AMDHD1: variants seen among roughly 807,000 people sequenced by gnomAD.
AMDHD1 encodes the protein probable imidazolonepropionase.
AMDHD1 carries 45 observed loss-of-function variants against 44.1 expected under a neutral mutation model. That is an observed-to-expected ratio of 1.02 (90% CI 0.80 to 1.31). The LOEUF (loss-of-function observed/expected upper bound fraction) is 1.31, where lower values mean the gene tolerates loss of function less well. Ranked by LOEUF, AMDHD1 falls within the 50% of genes most tolerant of loss-of-function variation. The pLI is 0.00. For missense variants in AMDHD1, 586 were observed against 552.1 expected, an observed-to-expected ratio of 1.06 and a Z score of -0.61; for synonymous variants, 206 against 205.0, an observed-to-expected ratio of 1.00 and a Z score of -0.04.
intron 1 of AMDHD1, among the ~76,000 whole-genome samples, chr12:95,944,771 T>C (rs1483548498): frequency 6.6e-6 from 1 of 152,154 alleles, no homozygotes; most frequent in Non-Finnish European, 1.5e-5. Context: ...TATGAAAATA[T>C]TATTTAAAAT....
chr12:95,962,577 A>G, intron 6 of AMDHD1, 98 bp downstream of exon 6: 1 of 1,346,032 alleles, frequency 7.4e-7, no homozygotes, highest in Non-Finnish European at 9.8e-7. Context: ...GCCCTTACAA[A>G]TCCCTTAAAA....
intron 4 of AMDHD1, among the ~76,000 whole-genome samples, chr12:95,959,655 G>T (rs1459170760): frequency 1.3e-5 from 2 of 152,254 alleles, no homozygotes; most frequent in Non-Finnish European, 2.9e-5. Context: ...AGAAAGCTAA[G>T]GCAGGTGCTT....
At chr12:95,955,055 C>G in intron 3 of AMDHD1, 80 bp downstream of exon 3, 2 of 1,364,504 alleles carry the variant, frequency 1.5e-6, no homozygotes, top group East Asian at 4.6e-5. Context: ...GGCTATCAAG[C>G]TTTGCAACAT....
chr12:95,945,129 G>A (rs2080489341), intron 1 of AMDHD1, among the ~76,000 whole-genome samples: 1 of 152,108 alleles, frequency 6.6e-6, no homozygotes, highest in Non-Finnish European at 1.5e-5. Flanking sequence ...GCGAGACTCT[G>A]TCTCAAAAAT....
chr12:95,960,878 G>A (rs146700027), intron 5 of AMDHD1, among the ~76,000 whole-genome samples: 7 of 152,196 alleles, frequency 4.6e-5, no homozygotes, highest in African/African-American at 1.7e-4. Flanking sequence ...TTGGCTGGGC[G>A]CGGTAGCTCA....
chr12:95,951,967 A>G (rs2080527631), intron 1 of AMDHD1, among the ~76,000 whole-genome samples: 1 of 152,094 alleles, frequency 6.6e-6, no homozygotes, highest in Non-Finnish European at 1.5e-5. Flanking sequence ...AGCTCCTTAT[A>G]TATTCTGGTT....
At position 95,962,351 on chromosome 12, in the gene AMDHD1, T is replaced by C. The variant is rs1196968974; in HGVS notation, c.814-4T>C. The C allele has an allele frequency of 2.5e-6, 4 of 1,611,784 alleles. No individual in the cohort carries two copies. The African/African-American group carries it at 4.0e-5, about 16-fold the overall frequency. On this transcript the variant is annotated splice_polypyrimidine_tract_variant and splice_region_variant and intron_variant, in intron 5 of 8. Transcript: ENST00000266736. The stretch of plus-strand genomic sequence containing the variant: ...ATCTTTCCCTCTCTGCCCATTCTCC[T>C]TAGCTTGGGGCTGAACTGGGAGCGC...
chr12:95,956,898 C>G lies in AMDHD1; in HGVS notation c.523C>G (p.Arg175Gly). Reference protein sequence around the residue: ...TELKMLRVIERARRELDIGIS... With the variant: ...TELKMLRVIEGARRELDIGIS... ...GCTCAAGATGCTGCGCGTGATTGAG[C>G]GCGCCCGGCGGGAGCTGGACATCGG... Residue 175 changes from arginine to glycine, a missense_variant, in exon 4 of 9, where the codon CGC becomes GGC. Physicochemically the swap from Arg to Gly is moderately radical, Grantham distance 125. Coordinates refer to ENST00000266736, the MANE Select transcript of AMDHD1 (RefSeq NM_152435.3). The G allele has an allele frequency of 6.2e-7, 1 of 1,613,444 alleles. No homozygotes were observed. The highest frequency in any genetic ancestry group is 8.5e-7 in the Non-Finnish European group (1 of 1,180,002).
chr12:95,960,329 C>T, intron 4 of AMDHD1, 69 bp from the exon 5 acceptor site: 1 of 1,400,188 alleles, frequency 7.1e-7, no homozygotes, highest in African/African-American at 1.4e-5. Flanking sequence ...TCTTCAAGTG[C>T]CAGATTACCC....
chr12:95,956,663 T>C, intron 3 of AMDHD1, 22 bp from the exon 4 acceptor site: 1 of 1,611,604 alleles, frequency 6.2e-7, no homozygotes, highest in East Asian at 2.2e-5. Flanking sequence ...TGTGCTGGCC[T>C]AAAGGTGAGG....
At chr12:95,957,103 C>T in intron 4 of AMDHD1, 141 bp downstream of exon 4, 1 of 1,169,426 alleles carries the variant, frequency 8.6e-7, no homozygotes, top group Non-Finnish European at 1.2e-6. Flanking sequence ...GGCCACTCAT[C>T]CCGCAGACTC....
chr12:95,961,144 C>CAAAAAAAAAA (rs3051622), intron 5 of AMDHD1, among the ~76,000 whole-genome samples: 16 of 129,606 alleles, frequency 1.2e-4, no homozygotes, highest in East Asian at 2.2e-4. Context: ...GACTCCATCT[C>CAAAAAAAAAA]AAAAAAAAAA....
At position 95,956,903 on chromosome 12, in the gene AMDHD1, C is replaced by T. The variant is rs1214341165; in HGVS notation, c.528C>T (p.Ala176=). 6.2e-7 allele frequency: 1 copy of T among 1,613,274 alleles called. No individual in the cohort carries two copies. The highest frequency in any genetic ancestry group is 1.1e-5 in the South Asian group (1 of 91,042). ...ELKMLRVIER[A]RRELDIGISA... ...AGATGCTGCGCGTGATTGAGCGCGC[C>T]CGGCGGGAGCTGGACATCGGCATCT... The change falls in exon 4 of 9, where the codon GCC becomes GCT. Residue 176 remains alanine, a synonymous_variant. Transcript: ENST00000266736.
intron 6 of AMDHD1, among the ~76,000 whole-genome samples, chr12:95,962,760 C>A (rs1396755293): frequency 1.3e-5 from 2 of 151,532 alleles, no homozygotes; most frequent in Non-Finnish European, 2.9e-5. Flanking sequence ...TGGAATTTTT[C>A]AATTAAAAAG....
At chr12:95,954,814 C>A (rs2080542158) in intron 2 of AMDHD1, 97 bp from the exon 3 acceptor site, 2 of 1,140,582 alleles carry the variant, frequency 1.8e-6, no homozygotes, top group East Asian at 5.0e-5. Flanking sequence ...CACCATCACA[C>A]TTTCCCCAGA....
intron 4 of AMDHD1, 141 bp downstream of exon 4, chr12:95,957,103 C>A: frequency 1.7e-6 from 2 of 1,169,420 alleles, no homozygotes; most frequent in Non-Finnish European, 2.4e-6. Context: ...GGCCACTCAT[C>A]CCGCAGACTC....
rs371501532 is a variant in AMDHD1, at chr12:95,966,306, C to T, written c.1033-42C>T. On this transcript the variant is annotated intron_variant, in intron 7 of 8. Coordinates refer to ENST00000266736, the MANE Select transcript of AMDHD1 (RefSeq NM_152435.3). ...GAGAAATGTTTTAAATTGCAGTTGC[C>T]ATATGTCACTTTCCTCCAACACTTT... 3.9e-4 allele frequency: 627 copies of T among 1,607,454 alleles called. 1 individual carries two copies. Among genetic ancestry groups the T allele is most frequent in the Non-Finnish European group, 4.8e-4 (564 of 1,175,042 alleles).
At chr12:95,966,567 C>G in intron 8 of AMDHD1, 59 bp downstream of exon 8, 1 of 1,589,176 alleles carries the variant, frequency 6.3e-7, no homozygotes. Flanking sequence ...GCAGATGAGG[C>G]CTAAATCCCT....
At chr12:95,959,790 C>CTTTT (rs63130861) in intron 4 of AMDHD1, among the ~76,000 whole-genome samples, 902 of 67,336 alleles carry the variant, frequency 0.013, 21 homozygotes, top group Non-Finnish European at 0.019. Context: ...GAAGATTATG[C>CTTTT]TTTTTTTTTT....
Sources: allele counts gnomAD v4.1 joint callset (sites outside exome capture counted in the v4.1 genomes callset), GRCh38; gene constraint gnomAD v4.1.1; transcripts MANE v1.5; gene names NCBI Gene and HGNC (gene_info 2026-07-23, HGNC 2026-07-21).